Variants in FSTL5 observed in about 807,000 individuals in gnomAD.
FSTL5 encodes the protein follistatin-related protein 5.
In FSTL5, 62 loss-of-function variants were observed where a neutral mutation model predicts 89.1. The ratio of observed to expected loss-of-function variants is 0.70; its 90% CI spans 0.57 to 0.86. The LOEUF (loss-of-function observed/expected upper bound fraction) is 0.86. FSTL5 is among the 40% of genes least tolerant of loss of function. FSTL5 has a pLI of 0.00. For synonymous variants in FSTL5, 383 were observed against 346.2 expected (o/e 1.11, Z -1.18); for missense variants, 1,057 against 1,001.6 (o/e 1.06, Z -0.75).
At chr4:161,430,318 G>A (rs1028921026) in intron 15 of FSTL5, among the ~76,000 whole-genome samples, 4 of 150,470 alleles carry the variant, frequency 2.7e-5, no homozygotes, top group African/African-American at 9.7e-5. Context: ...GATACAGTTA[G>A]AAAGTTTATT....
intron 8 of FSTL5, among the ~76,000 whole-genome samples, chr4:161,554,925 A>G (rs749714071): frequency 4.6e-5 from 7 of 151,642 alleles, no homozygotes; most frequent in Non-Finnish European, 8.9e-5. Context: ...AGCTTGTCCA[A>G]TGCCTTTTGT....
chr4:161,893,507 GC>G (rs1023301874), intron 4 of FSTL5, among the ~76,000 whole-genome samples: 1 of 151,992 alleles, frequency 6.6e-6, no homozygotes. Context: ...ATCCTTAACA[GC>G]TAAACCACTG....
chr4:161,510,974 A>G (rs959603349), intron 10 of FSTL5, among the ~76,000 whole-genome samples: 8 of 152,124 alleles, frequency 5.3e-5, no homozygotes, highest in Non-Finnish European at 1.2e-4. Flanking sequence ...AGATCTAAGT[A>G]TACTTCGCTT....
At chr4:161,556,875 G>A (rs892484655) in intron 8 of FSTL5, among the ~76,000 whole-genome samples, 3 of 136,066 alleles carry the variant, frequency 2.2e-5, no homozygotes, top group Non-Finnish European at 3.5e-5. Flanking sequence ...CCTGGATTAA[G>A]TTTATTTTAT....
At chr4:161,420,113 T>C (rs573719807) in intron 15 of FSTL5, among the ~76,000 whole-genome samples, 4 of 152,324 alleles carry the variant, frequency 2.6e-5, no homozygotes, top group African/African-American at 9.6e-5. Flanking sequence ...TACAGTAGCC[T>C]ATGATTAAGG....
At chr4:161,721,537 A>T (rs1041962668) in intron 6 of FSTL5, among the ~76,000 whole-genome samples, 2 of 152,142 alleles carry the variant, frequency 1.3e-5, no homozygotes, top group Non-Finnish European at 2.9e-5. Context: ...TCAGTCATAC[A>T]TGAAAAAGGG....
intron 3 of FSTL5, among the ~76,000 whole-genome samples, chr4:161,946,760 C>T (rs1399497624): frequency 6.6e-6 from 1 of 152,132 alleles, no homozygotes; most frequent in Non-Finnish European, 1.5e-5. Context: ...TGTGTAAACA[C>T]TTCGAAGTGG....
At chr4:161,700,233 G>A (rs1243140253) in intron 6 of FSTL5, among the ~76,000 whole-genome samples, 1 of 152,084 alleles carries the variant, frequency 6.6e-6, no homozygotes, top group Non-Finnish European at 1.5e-5. Flanking sequence ...AGAAACTATG[G>A]CACAGAGAGG....
intron 7 of FSTL5, among the ~76,000 whole-genome samples, chr4:161,617,691 G>A (rs1734948770): frequency 6.6e-6 from 1 of 152,028 alleles, no homozygotes; most frequent in African/African-American, 2.4e-5. Flanking sequence ...TCCCATTAGG[G>A]AGAAACAAAA....
chr4:161,693,596 T>G (rs554685915), intron 6 of FSTL5, among the ~76,000 whole-genome samples: 3 of 152,090 alleles, frequency 2.0e-5, no homozygotes, highest in Admixed American at 1.3e-4. Flanking sequence ...GATTGTCTAT[T>G]TTGTTGATAA....
intron 6 of FSTL5, among the ~76,000 whole-genome samples, chr4:161,711,875 AG>A (rs576459147): frequency 4.5e-4 from 69 of 152,162 alleles, no homozygotes; most frequent in East Asian, 5.8e-4. Flanking sequence ...GAAAAATAAA[AG>A]TACACGACTA....
intron 6 of FSTL5, among the ~76,000 whole-genome samples, chr4:161,758,604 C>T (rs1333884647): frequency 6.6e-6 from 1 of 152,096 alleles, no homozygotes; most frequent in African/African-American, 2.4e-5. Flanking sequence ...CTGCAACCTC[C>T]GCCCCCGGGT....
chr4:162,094,189 C>A (rs1457539761), intron 2 of FSTL5, among the ~76,000 whole-genome samples: 1 of 152,042 alleles, frequency 6.6e-6, no homozygotes, highest in Non-Finnish European at 1.5e-5. Flanking sequence ...GAGATTGAGA[C>A]CATCCTGGCT....
At chr4:162,005,139 C>T (rs913363036) in intron 3 of FSTL5, among the ~76,000 whole-genome samples, 5 of 152,104 alleles carry the variant, frequency 3.3e-5, no homozygotes, top group Non-Finnish European at 7.4e-5. Context: ...TCCCATTTTT[C>T]CTTCCTCTGT....
chr4:161,661,676 TTTA>T (rs1736717399), intron 6 of FSTL5, among the ~76,000 whole-genome samples: 2 of 152,170 alleles, frequency 1.3e-5, no homozygotes, highest in African/African-American at 4.8e-5. Flanking sequence ...TATTCATAAA[TTTA>T]TTATGATGAA....
intron 6 of FSTL5, among the ~76,000 whole-genome samples, chr4:161,728,398 G>T (rs980517176): frequency 9.9e-5 from 15 of 152,078 alleles, no homozygotes; most frequent in African/African-American, 3.4e-4. Context: ...ATTGCAAAAG[G>T]TAAGGAGAAA....
chr4:161,983,916 C>T (rs182890361), intron 3 of FSTL5, among the ~76,000 whole-genome samples: 58 of 152,006 alleles, frequency 3.8e-4, no homozygotes, highest in Non-Finnish European at 1.5e-5. Flanking sequence ...AAAAATATTC[C>T]ATGTCTGCTC....
At chr4:161,416,180 T>C (rs1056087436) in intron 15 of FSTL5, among the ~76,000 whole-genome samples, 3 of 152,186 alleles carry the variant, frequency 2.0e-5, no homozygotes, top group African/African-American at 7.2e-5. Context: ...CTCCATGTGA[T>C]AGAAGGGTCA....
chr4:161,585,385 G>A (rs1014630234), intron 8 of FSTL5, among the ~76,000 whole-genome samples: 2 of 152,132 alleles, frequency 1.3e-5, no homozygotes, highest in African/African-American at 4.8e-5. Context: ...ATTCCTGAGA[G>A]TGCTGGTGAA....
Sources: allele counts gnomAD v4.1 joint callset (sites outside exome capture counted in the v4.1 genomes callset), GRCh38; gene constraint gnomAD v4.1.1; transcripts MANE v1.5; gene names NCBI Gene and HGNC (gene_info 2026-07-23, HGNC 2026-07-21).